Variants in MAGI1 observed in about 807,000 individuals in gnomAD.
The protein encoded by MAGI1 is membrane associated guanylate kinase, WW and PDZ domain containing 1, also known as membrane-associated guanylate kinase, WW and PDZ domain-containing protein 1.
In MAGI1, 58 loss-of-function variants were observed where a neutral mutation model predicts 139.9. That is an observed-to-expected ratio of 0.41 (90% confidence interval 0.34 to 0.52). The LOEUF (loss-of-function observed/expected upper bound fraction) is 0.52. Among genes scored for constraint, MAGI1 ranks in the 20% least tolerant of loss-of-function variants. MAGI1 has a pLI of 0.12. For synonymous variants in MAGI1, 812 were observed against 737.9 expected, an observed-to-expected ratio of 1.10 and a Z score of -1.63; for missense variants, 1,874 against 1,901.6, an observed-to-expected ratio of 0.99 and a Z score of 0.27.
intron 13 of MAGI1, among the ~76,000 whole-genome samples, chr3:65,394,065 G>A (rs1461018795): frequency 1.3e-5 from 2 of 152,176 alleles, no homozygotes; most frequent in Non-Finnish European, 2.9e-5. Flanking sequence ...CATGTGCAGA[G>A]ATTCAGCATG....
At chr3:65,610,769 T>G (rs1163815411) in intron 2 of MAGI1, among the ~76,000 whole-genome samples, 2 of 144,048 alleles carry the variant, frequency 1.4e-5, no homozygotes, top group Non-Finnish European at 3.0e-5. Context: ...ATATAGCATA[T>G]ATATATACTG....
chr3:65,987,831 T>C (rs973452076), intron 1 of MAGI1, among the ~76,000 whole-genome samples: 1 of 152,224 alleles, frequency 6.6e-6, no homozygotes, highest in Admixed American at 6.5e-5. Flanking sequence ...GGCCTCCCAA[T>C]GTATTGAGAT....
At chr3:65,621,293 G>A (rs1043429998) in intron 2 of MAGI1, among the ~76,000 whole-genome samples, 7 of 152,182 alleles carry the variant, frequency 4.6e-5, no homozygotes, top group Non-Finnish European at 7.3e-5. Flanking sequence ...ACGGAGCTGC[G>A]AATTTATCCA....
intron 1 of MAGI1, among the ~76,000 whole-genome samples, chr3:65,677,554 T>C (rs1238258248): frequency 6.6e-6 from 1 of 152,214 alleles, no homozygotes; most frequent in Non-Finnish European, 1.5e-5. Context: ...AATCTCAGCA[T>C]GTGGAAACAG....
chr3:65,510,570 T>C (rs2077536059), intron 2 of MAGI1, among the ~76,000 whole-genome samples: 1 of 144,014 alleles, frequency 6.9e-6, no homozygotes, highest in African/African-American at 2.6e-5. Flanking sequence ...GAAGATGAAA[T>C]GAATGAAATG....
intron 1 of MAGI1, among the ~76,000 whole-genome samples, chr3:65,708,062 T>C (rs1477057345): frequency 6.6e-6 from 1 of 152,168 alleles, no homozygotes; most frequent in East Asian, 1.9e-4. Context: ...ATATGTCCTA[T>C]TTACCAAAAT....
chr3:65,612,827 A>T (rs1479692407), intron 2 of MAGI1, among the ~76,000 whole-genome samples: 3 of 152,204 alleles, frequency 2.0e-5, no homozygotes, highest in Non-Finnish European at 4.4e-5. Flanking sequence ...AAAATAAATA[A>T]TACATGGTAA....
At chr3:65,847,961 G>A (rs1407886385) in intron 1 of MAGI1, among the ~76,000 whole-genome samples, 1 of 152,170 alleles carries the variant, frequency 6.6e-6, no homozygotes, top group African/African-American at 2.4e-5. Context: ...CTTGAGTCCA[G>A]GAGTTTGAGT....
intron 22 of MAGI1, 99 bp downstream of exon 22, chr3:65,361,100 G>A (rs1559885558): frequency 2.5e-6 from 4 of 1,609,836 alleles, no homozygotes; most frequent in Non-Finnish European, 3.4e-6. Context: ...AGACACTGGT[G>A]AATAGGGGAA....
chr3:66,018,378 A>C (rs6774149), intron 1 of MAGI1, among the ~76,000 whole-genome samples: 121,999 of 152,144 alleles, frequency 0.8, 49,102 homozygotes, highest in East Asian at 0.86. Context: ...ACCTTCCAAC[A>C]AGGGTATTCA....
intron 1 of MAGI1, among the ~76,000 whole-genome samples, chr3:65,933,556 T>C (rs921908754): frequency 6.6e-6 from 1 of 152,198 alleles, no homozygotes; most frequent in Admixed American, 6.5e-5. Context: ...GTGCCATTTC[T>C]ACCACATACT....
chr3:65,739,744 G>T (rs1238998411), intron 1 of MAGI1, among the ~76,000 whole-genome samples: 1 of 152,158 alleles, frequency 6.6e-6, no homozygotes, highest in Admixed American at 6.5e-5. Flanking sequence ...GGGATCCGTG[G>T]AGCAGTCAGA....
chr3:65,982,223 T>C lies in MAGI1; in HGVS notation c.313+55773A>G, dbSNP rs1212497226. Among the ~76,000 whole-genome samples, 3 of 152,346 alleles carry C rather than the reference T, an allele frequency of 2.0e-5. No homozygotes were observed. The East Asian group carries it at 5.8e-4, about 29-fold the overall frequency. ...CTCCTGTGGCTTTGGGAAGAGGTCT[T>C]GACTTAGGAAGAAGGCTTCCATGAT... On this transcript the variant is annotated intron_variant, in intron 1 of 22. Transcript: ENST00000402939.
intron 4 of MAGI1, among the ~76,000 whole-genome samples, chr3:65,470,783 A>C (rs1243054162): frequency 6.6e-6 from 1 of 152,212 alleles, no homozygotes; most frequent in Non-Finnish European, 1.5e-5. Context: ...AAACCAATTC[A>C]TGACTCAAAC....
chr3:65,819,876 A>C (rs1233487491), intron 1 of MAGI1, among the ~76,000 whole-genome samples: 16 of 83,408 alleles, frequency 1.9e-4, no homozygotes, highest in Non-Finnish European at 3.3e-4. Context: ...ACTCCATCTC[A>C]AAAAAAAAAA....
At chr3:65,967,171 A>C (rs1448475261) in intron 1 of MAGI1, among the ~76,000 whole-genome samples, 1 of 152,144 alleles carries the variant, frequency 6.6e-6, no homozygotes. Context: ...GAGAAACATC[A>C]CTGAAAAAGC....
chr3:65,733,053 T>C (rs2034347353), intron 1 of MAGI1, among the ~76,000 whole-genome samples: 1 of 151,394 alleles, frequency 6.6e-6, no homozygotes, highest in Non-Finnish European at 1.5e-5. Flanking sequence ...TGTGGGTTTT[T>C]TGTTTTTGTT....
chr3:65,621,898 C>T, intron 2 of MAGI1, 74 bp downstream of exon 2: 2 of 1,081,008 alleles, frequency 1.9e-6, no homozygotes, highest in Non-Finnish European at 1.4e-6. Flanking sequence ...GTTGAGATCT[C>T]CTTTCTCCCC....
intron 1 of MAGI1, among the ~76,000 whole-genome samples, chr3:65,733,035 G>A (rs548253257): frequency 2.8e-4 from 43 of 152,160 alleles, no homozygotes; most frequent in Non-Finnish European, 5.4e-4. Flanking sequence ...TGTTTTTTCT[G>A]TCATTGTTGT....
Sources: allele counts gnomAD v4.1 joint callset (sites outside exome capture counted in the v4.1 genomes callset), GRCh38; gene constraint gnomAD v4.1.1; transcripts MANE v1.5; gene names NCBI Gene and HGNC (gene_info 2026-07-23, HGNC 2026-07-21).